PCDH9: variants seen among roughly 807,000 people sequenced by gnomAD.
PCDH9 encodes protocadherin-9.
A neutral mutation model predicts 70.6 loss-of-function variants in PCDH9; 24 were observed. The ratio of observed to expected loss-of-function variants is 0.34; its 90% confidence interval spans 0.25 to 0.48. The LOEUF (loss-of-function observed/expected upper bound fraction) is 0.48, where lower values mean the gene tolerates loss of function less well. Ranked by LOEUF, PCDH9 falls within the 20% of genes least tolerant of loss-of-function variation. The pLI, the probability that PCDH9 is intolerant of heterozygous loss-of-function variation, is 0.99. For synonymous variants in PCDH9, 562 were observed against 558.5 expected, an observed-to-expected ratio of 1.01 and a Z score of -0.09; for missense variants, 1,281 against 1,503.6, an observed-to-expected ratio of 0.85 and a Z score of 2.45.
intron 3 of PCDH9, among the ~76,000 whole-genome samples, chr13:66,844,734 C>T (rs1007668710): frequency 3.9e-5 from 6 of 152,148 alleles, no homozygotes; most frequent in African/African-American, 9.7e-5. Flanking sequence ...GAAGTTACCT[C>T]ATCCTGCCAC....
intron 3 of PCDH9, among the ~76,000 whole-genome samples, chr13:66,631,870 C>T (rs1219281300): frequency 6.6e-6 from 1 of 152,044 alleles, no homozygotes; most frequent in Non-Finnish European, 1.5e-5. Context: ...AACATATTTC[C>T]TACAGTACCA....
intron 3 of PCDH9, among the ~76,000 whole-genome samples, chr13:66,778,025 C>T (rs905559492): frequency 3.8e-4 from 57 of 150,104 alleles, no homozygotes; most frequent in Admixed American, 1.3e-4. Flanking sequence ...AGTAAACTAT[C>T]GCAAGAACAA....
At chr13:67,100,300 G>A (rs1346924624) in intron 2 of PCDH9, among the ~76,000 whole-genome samples, 1 of 152,128 alleles carries the variant, frequency 6.6e-6, no homozygotes, top group Non-Finnish European at 1.5e-5. Context: ...AATTTACTGA[G>A]TGCTCAGTAT....
chr13:66,610,188 C>T (rs1349904093), intron 4 of PCDH9, among the ~76,000 whole-genome samples: 2 of 151,676 alleles, frequency 1.3e-5, no homozygotes, highest in Non-Finnish European at 2.9e-5. Flanking sequence ...AATATCCACA[C>T]GCTAAGATAT....
chr13:67,102,818 G>A (rs1395762133), intron 2 of PCDH9, among the ~76,000 whole-genome samples: 1 of 152,060 alleles, frequency 6.6e-6, no homozygotes, highest in African/African-American at 2.4e-5. Flanking sequence ...ATAACAGAGA[G>A]AGTAGTATAT....
intron 4 of PCDH9, among the ~76,000 whole-genome samples, chr13:66,324,800 T>C (rs2138098458): frequency 6.6e-6 from 1 of 152,138 alleles, no homozygotes; most frequent in South Asian, 2.1e-4. Flanking sequence ...TCAAAACATG[T>C]AGATTAATAT....
intron 3 of PCDH9, among the ~76,000 whole-genome samples, chr13:66,888,551 AT>A (rs1258121242): frequency 2.0e-5 from 3 of 147,398 alleles, no homozygotes; most frequent in East Asian, 1.9e-4. Flanking sequence ...CCCAAAAAAA[AT>A]AAATAAAAAA....
At chr13:66,880,053 A>G (rs935102176) in intron 3 of PCDH9, 4 of 152,342 alleles carry the variant, frequency 2.6e-5, no homozygotes, top group Non-Finnish European at 4.4e-5. Flanking sequence ...AAGAAAGAAG[A>G]TGTTTTTATG....
At chr13:67,219,691 T>C (rs1329303768) in intron 2 of PCDH9, 1 of 152,080 alleles carries the variant, frequency 6.6e-6, no homozygotes, top group Non-Finnish European at 1.5e-5. Context: ...GTTAGGGTCC[T>C]TATATGTAAT....
intron 3 of PCDH9, among the ~76,000 whole-genome samples, chr13:66,892,636 C>T (rs1002444848): frequency 6.6e-6 from 1 of 151,510 alleles, no homozygotes; most frequent in Non-Finnish European, 1.5e-5. Flanking sequence ...ACATGTAAGT[C>T]CCTTAAAAAA....
intron 4 of PCDH9, among the ~76,000 whole-genome samples, chr13:66,468,034 C>T (rs970836534): frequency 6.6e-6 from 1 of 151,992 alleles, no homozygotes; most frequent in African/African-American, 2.4e-5. Context: ...GCTGCCCTAT[C>T]ATCTCCTGAT....
At chr13:66,878,035 A>T (rs1566260875) in intron 3 of PCDH9, among the ~76,000 whole-genome samples, 1 of 152,084 alleles carries the variant, frequency 6.6e-6, no homozygotes, top group Non-Finnish European at 1.5e-5. Flanking sequence ...AATCTAAGAG[A>T]TTTTTTAAAA....
chr13:66,337,538 TGTATTTCCA>T (rs1263740326), intron 4 of PCDH9, among the ~76,000 whole-genome samples: 2 of 152,030 alleles, frequency 1.3e-5, no homozygotes, highest in Admixed American at 1.3e-4. Flanking sequence ...CCTGTCATTC[TGTATTTCCA>T]GTATTTCCAC....
chr13:67,012,929 C>G (rs1241804479), intron 2 of PCDH9, among the ~76,000 whole-genome samples: 1 of 151,838 alleles, frequency 6.6e-6, no homozygotes, highest in Non-Finnish European at 1.5e-5. Context: ...CTTCTCAGAC[C>G]TCATGGAGAT....
rs1266587292 is a variant in PCDH9, at chr13:66,368,950, C to A, written c.3341-63922G>T. Reference sequence around the variant, plus strand: ...GAACTGCCCCCAGGATTCAACTACCCCCACACCGGGTTCCTCCTACAACAC... The same window carrying A: ...GAACTGCCCCCAGGATTCAACTACCACCACACCGGGTTCCTCCTACAACAC... On this transcript the variant is annotated intron_variant, in intron 4 of 4. Transcript: ENST00000377865. 3.9e-5 allele frequency among the ~76,000 whole-genome samples: 6 copies of A among 152,072 alleles called. No homozygotes were observed. In the East Asian group the frequency reaches 1.2e-3, roughly 29 times the overall value.
At chr13:67,121,838 G>T (rs921238843) in intron 2 of PCDH9, among the ~76,000 whole-genome samples, 5 of 152,068 alleles carry the variant, frequency 3.3e-5, no homozygotes, top group Non-Finnish European at 7.4e-5. Context: ...TAATTATCCT[G>T]TGCCTCCATT....
intron 4 of PCDH9, among the ~76,000 whole-genome samples, chr13:66,603,341 A>G (rs1332262817): frequency 1.3e-5 from 2 of 152,010 alleles, no homozygotes; most frequent in African/African-American, 4.8e-5. Flanking sequence ...TAACATTTTT[A>G]TTTAAAATTA....
chr13:66,927,938 C>A (rs547768200), intron 2 of PCDH9, among the ~76,000 whole-genome samples: 1 of 152,036 alleles, frequency 6.6e-6, no homozygotes, highest in Non-Finnish European at 1.5e-5. Flanking sequence ...AAATAAGTAG[C>A]CAAAGTAATC....
intron 2 of PCDH9, chr13:67,219,638 T>G (rs1307941812): frequency 6.6e-6 from 1 of 152,048 alleles, no homozygotes; most frequent in African/African-American, 2.4e-5. Context: ...CACTAATACC[T>G]GGCCTGTGAT....
Sources: gnomAD v4.1 joint callset for allele counts (sites outside exome capture counted in the v4.1 genomes callset) on GRCh38, gnomAD v4.1.1 for gene constraint, MANE v1.5 for transcripts, NCBI Gene and HGNC (gene_info 2026-07-23, HGNC 2026-07-21) for gene names.